EPB41L4A: variants seen among roughly 807,000 people sequenced by gnomAD.
The protein encoded by EPB41L4A is band 4.1-like protein 4A.
EPB41L4A carries 100 observed loss-of-function variants against 108.6 expected under a neutral mutation model. That is an observed-to-expected ratio of 0.92 (90% CI 0.78 to 1.09). The LOEUF (loss-of-function observed/expected upper bound fraction) is 1.09. Among genes scored for constraint, EPB41L4A ranks in the 50% least tolerant of loss-of-function variants. EPB41L4A has a pLI of 0.00. For synonymous variants in EPB41L4A, 319 were observed against 289.0 expected (o/e 1.10, Z -1.05); for missense variants, 1,030 against 842.7 (o/e 1.22, Z -2.75).
chr5:112,314,505 T>TAAAAAAAAAAAAAAAAAA (rs552428109), intron 1 of EPB41L4A, among the ~76,000 whole-genome samples: 24 of 55,180 alleles, frequency 4.3e-4, no homozygotes, highest in East Asian at 8.2e-4. Flanking sequence ...CCATCGCTAC[T>TAAAAAAAAAAAAAAAAAA]AAAAAAAAAA....
chr5:112,301,599 C>T (rs576785332), intron 2 of EPB41L4A, among the ~76,000 whole-genome samples: 2 of 152,248 alleles, frequency 1.3e-5, no homozygotes, highest in East Asian at 3.9e-4. Flanking sequence ...TCTGTGGATT[C>T]TCTCAGCTTT....
At chr5:112,303,654 C>A (rs930731936) in intron 2 of EPB41L4A, among the ~76,000 whole-genome samples, 4 of 151,956 alleles carry the variant, frequency 2.6e-5, no homozygotes, top group Admixed American at 2.6e-4. Context: ...AGTGTCAAAG[C>A]AAAAGAAAGG....
intron 9 of EPB41L4A, among the ~76,000 whole-genome samples, chr5:112,256,287 T>G (rs950623917): frequency 6.6e-6 from 1 of 152,188 alleles, no homozygotes; most frequent in Non-Finnish European, 1.5e-5. Context: ...TAGTGATATT[T>G]TCATTAAAAC....
intron 4 of EPB41L4A, 105 bp downstream of exon 4, chr5:112,275,221 G>C: frequency 7.4e-7 from 1 of 1,360,306 alleles, no homozygotes; most frequent in Non-Finnish European, 9.8e-7. Flanking sequence ...ACAAAATGCA[G>C]GTAGACACAC....
chr5:112,419,067 G>A lies in EPB41L4A; in HGVS notation c.-28C>T, dbSNP rs372141520. 234 of 1,581,060 alleles carry A rather than the reference G, an allele frequency of 1.5e-4. 1 individual carries two copies. The East Asian group carries it at 3.7e-3, about 25-fold the overall frequency. On this transcript the variant is annotated 5_prime_UTR_variant, in exon 1 of 23. Coordinates refer to ENST00000261486, the MANE Select transcript of EPB41L4A (RefSeq NM_022140.5). ...CGGTTGTGGTCGTCTCCAGCCAGGA[G>A]AGAAAGCTACCACCGAGGCGCCCAG...
At chr5:112,344,628 A>G (rs1561590113) in intron 1 of EPB41L4A, among the ~76,000 whole-genome samples, 1 of 152,224 alleles carries the variant, frequency 6.6e-6, no homozygotes, top group African/African-American at 2.4e-5. Flanking sequence ...GGTGGGTCAG[A>G]TTCAATCCAT....
intron 17 of EPB41L4A, among the ~76,000 whole-genome samples, chr5:112,186,768 C>G (rs1040173500): frequency 6.6e-6 from 1 of 152,164 alleles, no homozygotes; most frequent in Admixed American, 6.5e-5. Flanking sequence ...TGCCTCATTA[C>G]AAGAATGAAA....
chr5:112,372,313 C>T (rs1759544241), intron 1 of EPB41L4A, among the ~76,000 whole-genome samples: 1 of 152,180 alleles, frequency 6.6e-6, no homozygotes, highest in Admixed American at 6.5e-5. Flanking sequence ...TGAAAACTCA[C>T]TCATTATCAT....
intron 1 of EPB41L4A, among the ~76,000 whole-genome samples, chr5:112,378,189 C>T (rs1195176111): frequency 2.0e-5 from 3 of 151,396 alleles, no homozygotes; most frequent in African/African-American, 7.3e-5. Context: ...TATCCTGATA[C>T]TCCTGGTATT....
At chr5:112,363,673 A>AG (rs1207127146) in intron 1 of EPB41L4A, 1 of 152,298 alleles carries the variant, frequency 6.6e-6, no homozygotes, top group Non-Finnish European at 1.5e-5. Flanking sequence ...CCACCTCACC[A>AG]GTTCCAGCTT....
At position 112,230,927 on chromosome 5, in the gene EPB41L4A, A is replaced by C. The variant is rs558672812; in HGVS notation, c.1087+3707T>G. 2.0e-5 allele frequency among the ~76,000 whole-genome samples: 3 copies of C among 152,316 alleles called. No individual in the cohort carries two copies. The East Asian group carries it at 5.8e-4, about 29-fold the overall frequency. On this transcript the variant is annotated intron_variant, in intron 12 of 22. Transcript: ENST00000261486. ...GGCACAGTGAGACTCTGTCTCAAGA[A>C]AAAAAGTCAGGATAAAAGCAATTCA...
chr5:112,359,463 T>A lies in EPB41L4A; in HGVS notation c.100-51973A>T, dbSNP rs977948977. Among the ~76,000 whole-genome samples, 8 of 152,236 alleles carry A rather than the reference T, an allele frequency of 5.3e-5. 1 individual carries two copies. The highest frequency in any genetic ancestry group is 1.9e-4 in the African/African-American group (8 of 41,470). On this transcript the variant is annotated intron_variant, in intron 1 of 22. Transcript: ENST00000261486. ...GTTAATATGGTTGGAATAACAACTGTTGATTGAGTTTAGAATATGAAAAAA... is the reference window on the plus strand; with the variant it reads ...GTTAATATGGTTGGAATAACAACTGATGATTGAGTTTAGAATATGAAAAAA...
intron 1 of EPB41L4A, among the ~76,000 whole-genome samples, chr5:112,384,806 TA>T (rs2112627937): frequency 6.9e-6 from 1 of 144,054 alleles, no homozygotes; most frequent in African/African-American, 2.9e-5. Context: ...GGAAGGAAGT[TA>T]AAAGAAAAGA....
intron 1 of EPB41L4A, among the ~76,000 whole-genome samples, chr5:112,373,676 G>C (rs1759633434): frequency 6.6e-6 from 1 of 152,166 alleles, no homozygotes; most frequent in Non-Finnish European, 1.5e-5. Context: ...GCAGAGCCAG[G>C]GTTAGAACCC....
At chr5:112,257,540 T>G (rs774553537) in intron 9 of EPB41L4A, among the ~76,000 whole-genome samples, 2 of 152,202 alleles carry the variant, frequency 1.3e-5, no homozygotes, top group African/African-American at 2.4e-5. Flanking sequence ...ATTTTGTTGC[T>G]GTTGTTTTTG....
chr5:112,332,264 C>T (rs1342362957), intron 1 of EPB41L4A, among the ~76,000 whole-genome samples: 3 of 152,084 alleles, frequency 2.0e-5, no homozygotes, highest in African/African-American at 4.8e-5. Context: ...TTCTTTTGTC[C>T]ACTTTTTCTC....
chr5:112,237,358 T>A (rs1050304717), intron 11 of EPB41L4A, among the ~76,000 whole-genome samples: 2 of 152,150 alleles, frequency 1.3e-5, no homozygotes, highest in Admixed American at 1.3e-4. Flanking sequence ...AAGTAAGCAC[T>A]AGTTTTCCCA....
At chr5:112,290,401 C>G (rs1753569187) in intron 2 of EPB41L4A, among the ~76,000 whole-genome samples, 1 of 152,166 alleles carries the variant, frequency 6.6e-6, no homozygotes, top group African/African-American at 2.4e-5. Context: ...TAGGCTGTTT[C>G]AAATCTCTTA....
At chr5:112,361,319 AGCAT>A (rs1165879866) in intron 1 of EPB41L4A, among the ~76,000 whole-genome samples, 1 of 152,196 alleles carries the variant, frequency 6.6e-6, no homozygotes, top group African/African-American at 2.4e-5. Context: ...GCTTGAAGGC[AGCAT>A]GCTCGTTAAG....
Sources: gnomAD v4.1 joint callset for allele counts (sites outside exome capture counted in the v4.1 genomes callset) on GRCh38, gnomAD v4.1.1 for gene constraint, MANE v1.5 for transcripts, NCBI Gene and HGNC (gene_info 2026-07-23, HGNC 2026-07-21) for gene names.